PRKCB: variants seen among roughly 807,000 people sequenced by gnomAD.
PRKCB encodes the protein protein kinase C beta.
PRKCB carries 13 observed loss-of-function variants against 81.5 expected under a neutral mutation model. That is an observed-to-expected ratio of 0.16 (90% CI 0.10 to 0.25). The LOEUF (loss-of-function observed/expected upper bound fraction) is 0.25. Ranked by LOEUF, PRKCB falls within the 10% of genes least tolerant of loss-of-function variation. PRKCB has a pLI of 1.00. For synonymous variants in PRKCB, 335 were observed against 321.4 expected (o/e 1.04, Z -0.45); for missense variants, 509 against 875.7 (o/e 0.58, Z 5.29).
chr16:23,870,275 A>G (rs890007374), intron 2 of PRKCB, among the ~76,000 whole-genome samples: 2 of 152,228 alleles, frequency 1.3e-5, no homozygotes, highest in Admixed American at 6.5e-5. Flanking sequence ...TCTGTATTCC[A>G]TATAAAATTC....
intron 16 of PRKCB, among the ~76,000 whole-genome samples, chr16:24,214,033 C>G (rs564230994): frequency 6.6e-6 from 1 of 152,318 alleles, no homozygotes; most frequent in South Asian, 2.1e-4. Flanking sequence ...AGTGACTGAT[C>G]CAGCTAACCA....
At chr16:23,983,352 C>T (rs1964762409) in intron 2 of PRKCB, among the ~76,000 whole-genome samples, 1 of 152,180 alleles carries the variant, frequency 6.6e-6, no homozygotes, top group Non-Finnish European at 1.5e-5. Context: ...CTGTTCTCAG[C>T]TTCTCTGCAC....
At chr16:23,985,180 C>T (rs145079575) in intron 2 of PRKCB, among the ~76,000 whole-genome samples, 437 of 152,244 alleles carry the variant, frequency 2.9e-3, no homozygotes, top group African/African-American at 0.01. Flanking sequence ...CAACCTCCGC[C>T]TCCTGGGTTC....
intron 2 of PRKCB, among the ~76,000 whole-genome samples, chr16:23,982,735 G>T (rs1964755067): frequency 6.6e-6 from 1 of 152,124 alleles, no homozygotes; most frequent in Non-Finnish European, 1.5e-5. Context: ...AGCTGCAGGT[G>T]GCCTTTCTGA....
intron 12 of PRKCB, among the ~76,000 whole-genome samples, chr16:24,180,247 G>A (rs952357519): frequency 2.6e-4 from 40 of 152,202 alleles, no homozygotes; most frequent in African/African-American, 7.9e-4. Context: ...CCTGCCAAAT[G>A]TATTTTGATT....
chr16:24,099,553 A>G (rs1966478975), intron 7 of PRKCB: 1 of 152,212 alleles, frequency 6.6e-6, no homozygotes. Flanking sequence ...ATACATGGAG[A>G]TTATACATTG....
chr16:24,005,774 C>T lies in PRKCB; in HGVS notation c.288+17184C>T, dbSNP rs568063012. Among the ~76,000 whole-genome samples the T allele has an allele frequency of 2.6e-5, 4 of 152,332 alleles. No homozygotes were observed. The South Asian group carries it at 8.3e-4, about 32-fold the overall frequency. On this transcript the variant is annotated intron_variant, in intron 3 of 16. Coordinates refer to ENST00000643927, the MANE Select transcript of PRKCB (RefSeq NM_002738.7). ...ACCACCTTGATCTTCAGGGCAAAGGCTCGCTTCCTCCTCTTGGTGTCATCC... is the reference window on the plus strand; with the variant it reads ...ACCACCTTGATCTTCAGGGCAAAGGTTCGCTTCCTCCTCTTGGTGTCATCC...
intron 10 of PRKCB, among the ~76,000 whole-genome samples, chr16:24,158,586 A>G (rs370238843): frequency 3.5e-5 from 5 of 143,728 alleles, no homozygotes; most frequent in African/African-American, 1.3e-4. Context: ...ATGTATATGT[A>G]TATGTATATG....
chr16:24,046,964 G>A (rs1231053345), intron 5 of PRKCB, among the ~76,000 whole-genome samples: 1 of 152,184 alleles, frequency 6.6e-6, no homozygotes, highest in Admixed American at 6.5e-5. Context: ...CAGTTACTCA[G>A]GAGGCTGAAG....
chr16:24,098,776 CTAGGGAGG>C (rs1160739091), intron 7 of PRKCB: 2 of 152,148 alleles, frequency 1.3e-5, no homozygotes, highest in Admixed American at 1.3e-4. Flanking sequence ...TCTTTGCAGA[CTAGGGAGG>C]CCATCTGGGG....
At chr16:24,201,896 C>T (rs1329261439) in intron 16 of PRKCB, among the ~76,000 whole-genome samples, 8 of 151,984 alleles carry the variant, frequency 5.3e-5, no homozygotes, top group Admixed American at 1.3e-4. Flanking sequence ...ATTAGCTGGG[C>T]GCGGTGGCGG....
rs141462678 is a variant in PRKCB, at chr16:24,156,287, T to C, written c.1239+1430T>C. On this transcript the variant is annotated intron_variant, in intron 10 of 16. Transcript: ENST00000643927. Reference sequence around the variant, plus strand: ...CCAAGGGTGGCTAAAGTTGGCTTTTTTTTTTCTAAATGGGTCTGGCTCTGT... The same window carrying C: ...CCAAGGGTGGCTAAAGTTGGCTTTTCTTTTTCTAAATGGGTCTGGCTCTGT... Among the ~76,000 whole-genome samples, 1,243 of 152,180 alleles carry C rather than the reference T, an allele frequency of 8.2e-3. 17 individuals carry two copies. The highest frequency in any genetic ancestry group is 0.037 in the Middle Eastern group (11 of 294).
intron 9 of PRKCB, among the ~76,000 whole-genome samples, chr16:24,152,897 G>A (rs934040501): frequency 6.6e-6 from 1 of 152,132 alleles, no homozygotes; most frequent in Non-Finnish European, 1.5e-5. Context: ...TTCTCTTGCT[G>A]TGGAAGTGTG....
In PRKCB at chr16:24,199,688, C is replaced by G. The variant is rs115342513; in HGVS notation, c.1863+8458C>G. On this transcript the variant is annotated intron_variant, in intron 16 of 16. Transcript: ENST00000643927. ...ATTGCATTTTTGTCTGCATCAGGCA[C>G]TGTTTTAACTGCCTTCCATGAATTG... 1.3e-3 allele frequency among the ~76,000 whole-genome samples: 204 copies of G among 152,292 alleles called. 2 individuals are homozygous for G. Among genetic ancestry groups the G allele is most frequent in the African/African-American group, 4.8e-3 (199 of 41,550 alleles).
chr16:23,933,669 C>CATCT (rs1964010079), intron 2 of PRKCB, among the ~76,000 whole-genome samples: 1 of 146,774 alleles, frequency 6.8e-6, no homozygotes, highest in Non-Finnish European at 1.5e-5. Context: ...TCCATCCATC[C>CATCT]ATCCATCATC....
intron 2 of PRKCB, among the ~76,000 whole-genome samples, chr16:23,896,509 A>G (rs1274429028): frequency 1.3e-5 from 2 of 152,216 alleles, no homozygotes; most frequent in Non-Finnish European, 2.9e-5. Context: ...AAGCAGATAT[A>G]AAGGAAACCA....
At chr16:24,131,379 G>A (rs909837306) in intron 9 of PRKCB, among the ~76,000 whole-genome samples, 1 of 152,214 alleles carries the variant, frequency 6.6e-6, no homozygotes, top group Non-Finnish European at 1.5e-5. Context: ...GTATCACTAA[G>A]GAGGCTGTGG....
At chr16:24,020,670 C>T (rs574531538) in intron 3 of PRKCB, among the ~76,000 whole-genome samples, 10 of 152,288 alleles carry the variant, frequency 6.6e-5, no homozygotes, top group East Asian at 1.9e-4. Flanking sequence ...CTGGAGCCTG[C>T]GCTTGTTAAT....
chr16:23,990,477 A>C (rs919197150), intron 3 of PRKCB, among the ~76,000 whole-genome samples: 20 of 150,150 alleles, frequency 1.3e-4, no homozygotes, highest in Admixed American at 9.2e-4. Context: ...GAAAAAAAAG[A>C]AGCTTTTTTT....
Sources: allele counts gnomAD v4.1 joint callset (sites outside exome capture counted in the v4.1 genomes callset), GRCh38; gene constraint gnomAD v4.1.1; transcripts MANE v1.5; gene names NCBI Gene and HGNC (gene_info 2026-07-23, HGNC 2026-07-21).